Variants in ADGRV1 observed in about 807,000 individuals in gnomAD.
The protein encoded by ADGRV1 is adhesion G protein-coupled receptor V1.
ADGRV1 carries 359 observed loss-of-function variants against 596.2 expected under a neutral mutation model. The ratio of observed to expected loss-of-function variants is 0.60; its 90% CI spans 0.55 to 0.66. The LOEUF (loss-of-function observed/expected upper bound fraction) is 0.66, where lower values mean the gene tolerates loss of function less well. ADGRV1 is among the 30% of genes least tolerant of loss of function. ADGRV1 has a pLI of 0.00. For missense variants in ADGRV1, 7,274 were observed against 7,575.6 expected (o/e 0.96, Z 1.48); for synonymous variants, 2,681 against 2,679.2 (o/e 1.00, Z -0.02).
chr5:90,652,650 T>A (rs546286198), intron 19 of ADGRV1, 87 bp downstream of exon 19: 3 of 807,864 alleles, frequency 3.7e-6, no homozygotes, highest in Non-Finnish European at 5.7e-6. Context: ...TAGAGCCATA[T>A]ACAAAATGCA....
chr5:91,062,994 T>C (rs2151362310), intron 85 of ADGRV1, among the ~76,000 whole-genome samples: 1 of 143,172 alleles, frequency 7.0e-6, no homozygotes, highest in African/African-American at 2.6e-5. Flanking sequence ...AGTTTCACTC[T>C]GTTACCCAGG....
chr5:91,073,290 A>G (rs2151397641), intron 86 of ADGRV1, among the ~76,000 whole-genome samples: 1 of 152,314 alleles, frequency 6.6e-6, no homozygotes, highest in African/African-American at 2.4e-5. Flanking sequence ...TGACTGGGAT[A>G]TTAGGGAGCA....
intron 69 of ADGRV1, among the ~76,000 whole-genome samples, 194 bp downstream of exon 69, chr5:90,790,045 A>G (rs145465204): frequency 7.6e-4 from 116 of 152,346 alleles, no homozygotes; most frequent in Middle Eastern, 3.4e-3. Context: ...CTATCTCTCT[A>G]AATTAAAATT....
intron 38 of ADGRV1, among the ~76,000 whole-genome samples, chr5:90,708,170 T>A (rs79659716): frequency 0.022 from 3,395 of 152,282 alleles, 127 homozygotes; most frequent in African/African-American, 0.079. Context: ...ACTCTTGACA[T>A]GGATTTTGCT....
At chr5:90,854,549 TGTG>T (rs1406995462) in intron 81 of ADGRV1, among the ~76,000 whole-genome samples, 1 of 152,214 alleles carries the variant, frequency 6.6e-6, no homozygotes, top group African/African-American at 2.4e-5. Flanking sequence ...CATCTGGGCT[TGTG>T]GTTCTGGAAA....
At position 90,788,267 on chromosome 5, in the gene ADGRV1, G is replaced by A. The variant is rs182984071; in HGVS notation, c.13850G>A (p.Gly4617Glu). The A allele has an allele frequency of 1.8e-5, 29 of 1,612,592 alleles. No individual in the cohort carries two copies. Among genetic ancestry groups the A allele is most frequent in the Admixed American group, 1.2e-4 (7 of 60,002 alleles). Residue 4617 changes from glycine (G) to glutamate (E), a missense_variant, in exon 68 of 90, where the codon GGA (glycine) becomes GAA (glutamate). By Grantham distance (98) the Gly-to-Glu change is moderately conservative. Transcript: ENST00000405460. Reference protein sequence around the residue: ...TFIIKLHLVKGEAKLDSRAKD... With the variant: ...TFIIKLHLVKEEAKLDSRAKD... ...ATTATTAAACTTCATCTTGTGAAAGGAGAAGCTAAATTAGACTCCAGAGCT... is the reference window on the plus strand; with the variant it reads ...ATTATTAAACTTCATCTTGTGAAAGAAGAAGCTAAATTAGACTCCAGAGCT...
rs1241621336 is a variant in ADGRV1 at position 90,935,569 on chromosome 5, GA to G, written c.17857-29839del. On this transcript the variant is annotated intron_variant, in intron 83 of 89. Coordinates refer to ENST00000405460, the MANE Select transcript of ADGRV1 (RefSeq NM_032119.4). ...TATGGAAAACCATAGTTATTCAACA[GA>G]AAAAAACCTGTAAAAAATGTGGCAT... 3.9e-5 allele frequency among the ~76,000 whole-genome samples: 6 copies of G among 152,252 alleles called. No homozygotes were observed. In the South Asian group the frequency reaches 1.2e-3, roughly 32 times the overall value.
At chr5:90,722,115 A>G (rs550520257) in intron 45 of ADGRV1, among the ~76,000 whole-genome samples, 5 of 152,178 alleles carry the variant, frequency 3.3e-5, no homozygotes, top group Admixed American at 6.5e-5. Flanking sequence ...GATTTTGAAG[A>G]TATTATTCAC....
chr5:90,735,798 G>T (rs1339515734), intron 50 of ADGRV1, among the ~76,000 whole-genome samples: 1 of 150,854 alleles, frequency 6.6e-6, no homozygotes, highest in Non-Finnish European at 1.5e-5. Flanking sequence ...GTATAGAAAT[G>T]CTACAGATTT....
intron 83 of ADGRV1, among the ~76,000 whole-genome samples, chr5:90,951,889 A>G (rs1384081044): frequency 6.6e-6 from 1 of 152,176 alleles, no homozygotes; most frequent in Non-Finnish European, 1.5e-5. Flanking sequence ...TTAAGATATA[A>G]ATTATACTGT....
intron 75 of ADGRV1, among the ~76,000 whole-genome samples, chr5:90,821,111 A>G (rs369951062): frequency 7.1e-4 from 108 of 152,052 alleles, no homozygotes; most frequent in Admixed American, 3.6e-3. Flanking sequence ...GGCTTTGCTC[A>G]TTTCTTTCTA....
chr5:90,741,458 T>C (rs1327727914), intron 50 of ADGRV1, among the ~76,000 whole-genome samples: 1 of 152,212 alleles, frequency 6.6e-6, no homozygotes, highest in African/African-American at 2.4e-5. Context: ...TGTCCTTTAA[T>C]TTTTTGCCTT....
At position 90,728,696 on chromosome 5, in the gene ADGRV1, G is replaced by A. The variant is rs771134670; in HGVS notation, c.10189G>A (p.Val3397Met). 7.4e-6 allele frequency: 12 copies of A among 1,611,788 alleles called. No homozygotes were observed. The highest frequency in any genetic ancestry group is 1.3e-5 in the African/African-American group (1 of 74,870). The change falls in exon 49 of 90, where the codon GTG becomes ATG. Residue 3397 changes from valine to methionine, a missense_variant. Around this residue, in one of 5 missense-constraint regions of ADGRV1, gnomAD observed 3,643 missense variants for 3,809.2 expected, o/e 0.96. Transcript: ENST00000405460. ...CTTCAGGTGGAATGGAGGAAGCTTC[G>A]TGTTGCATCAAAAACTCCCTGTCCG... Reference protein sequence around the residue: ...QVFRWNGGSFVLHQKLPVRGV... With the variant: ...QVFRWNGGSFMLHQKLPVRGV...
chr5:91,159,637 C>T (rs866915157), intron 89 of ADGRV1, among the ~76,000 whole-genome samples: 2 of 152,092 alleles, frequency 1.3e-5, no homozygotes, highest in South Asian at 2.1e-4. Context: ...TGAAGTACAT[C>T]GGCACTTCCA....
At chr5:90,919,394 G>A (rs906916635) in intron 83 of ADGRV1, among the ~76,000 whole-genome samples, 2 of 152,172 alleles carry the variant, frequency 1.3e-5, no homozygotes, top group Non-Finnish European at 2.9e-5. Context: ...ATAAGAGAAA[G>A]TAATATTGGG....
chr5:90,891,634 TAA>T (rs1186098145), intron 83 of ADGRV1, among the ~76,000 whole-genome samples: 1 of 151,940 alleles, frequency 6.6e-6, no homozygotes, highest in Non-Finnish European at 1.5e-5. Context: ...ATATCATATT[TAA>T]AATGTTTTAC....
intron 9 of ADGRV1, among the ~76,000 whole-genome samples, chr5:90,634,634 C>G (rs1166647472): frequency 6.6e-6 from 1 of 151,520 alleles, no homozygotes; most frequent in Non-Finnish European, 1.5e-5. Flanking sequence ...GTGGATGACT[C>G]TCTGATATTT....
At chr5:91,007,236 C>T (rs1238823985) in intron 85 of ADGRV1, among the ~76,000 whole-genome samples, 2 of 152,230 alleles carry the variant, frequency 1.3e-5, no homozygotes, top group African/African-American at 2.4e-5. Context: ...GTGGCCCTGA[C>T]ACTTAAACTT....
intron 87 of ADGRV1, among the ~76,000 whole-genome samples, chr5:91,128,615 T>C (rs1277373656): frequency 6.6e-6 from 1 of 152,154 alleles, no homozygotes; most frequent in Non-Finnish European, 1.5e-5. Context: ...TGTTGGCACA[T>C]CCTAAATTCA....
Sources: gnomAD v4.1 joint callset for allele counts (sites outside exome capture counted in the v4.1 genomes callset) on GRCh38, gnomAD v4.1.1 for gene constraint, gnomAD v4.1.1 regional missense constraint, MANE v1.5 for transcripts, NCBI Gene and HGNC (gene_info 2026-07-23, HGNC 2026-07-21) for gene names.